GPR158: variants seen among roughly 807,000 people sequenced by gnomAD.
GPR158 encodes the protein metabotropic glycine receptor.
GPR158 carries 30 observed loss-of-function variants against 78.2 expected under a neutral mutation model. That is an observed-to-expected ratio of 0.38 (90% confidence interval 0.29 to 0.52). The LOEUF is 0.52. Among genes scored for constraint, GPR158 ranks in the 20% least tolerant of loss-of-function variants. GPR158 has a pLI of 0.83. For missense variants in GPR158, 1,463 were observed against 1,523.5 expected (o/e 0.96, Z 0.66); for synonymous variants, 581 against 591.1 (o/e 0.98, Z 0.25).
intron 5 of GPR158, among the ~76,000 whole-genome samples, chr10:25,472,051 G>C (rs1835513671): frequency 6.6e-6 from 1 of 152,106 alleles, no homozygotes; most frequent in Non-Finnish European, 1.5e-5. Context: ...CCTATGTCCT[G>C]AATGGTATTG....
At chr10:25,493,298 A>ACT (rs1175162606) in intron 5 of GPR158, among the ~76,000 whole-genome samples, 1 of 152,114 alleles carries the variant, frequency 6.6e-6, no homozygotes, top group African/African-American at 2.4e-5. Context: ...AGCATTACTC[A>ACT]CGCAATTCCT....
chr10:25,371,463 A>G (rs1398663070), intron 2 of GPR158, among the ~76,000 whole-genome samples: 1 of 151,876 alleles, frequency 6.6e-6, no homozygotes, highest in Non-Finnish European at 1.5e-5. Context: ...CTATACTATA[A>G]GGCTACAGTA....
intron 6 of GPR158, among the ~76,000 whole-genome samples, chr10:25,567,410 C>A (rs1836944718): frequency 6.6e-6 from 1 of 152,016 alleles, no homozygotes; most frequent in Admixed American, 6.6e-5. Flanking sequence ...TTGGACCATC[C>A]CTCCAGAGTT....
intron 2 of GPR158, among the ~76,000 whole-genome samples, chr10:25,326,303 G>A (rs1855031432): frequency 6.6e-6 from 1 of 152,116 alleles, no homozygotes; most frequent in Non-Finnish European, 1.5e-5. Flanking sequence ...TTTTATGGCT[G>A]CATAGTATTC....
chr10:25,304,327 T>G (rs1422768480), intron 2 of GPR158, among the ~76,000 whole-genome samples: 3 of 152,088 alleles, frequency 2.0e-5, no homozygotes, highest in African/African-American at 7.2e-5. Flanking sequence ...GATATAAATG[T>G]TTCTTATATA....
chr10:25,321,711 T>A (rs1854950639), intron 2 of GPR158, among the ~76,000 whole-genome samples: 1 of 152,156 alleles, frequency 6.6e-6, no homozygotes, highest in African/African-American at 2.4e-5. Flanking sequence ...GATGCTTATA[T>A]ACCCTTTGGC....
chr10:25,435,342 G>A (rs1474100407), intron 4 of GPR158, among the ~76,000 whole-genome samples: 1 of 152,150 alleles, frequency 6.6e-6, no homozygotes, highest in East Asian at 1.9e-4. Context: ...GGGTTGGGGA[G>A]AATCTATTTA....
At chr10:25,494,360 T>G (rs1209464883) in intron 5 of GPR158, among the ~76,000 whole-genome samples, 1 of 152,202 alleles carries the variant, frequency 6.6e-6, no homozygotes, top group East Asian at 1.9e-4. Context: ...AAAATTTTAT[T>G]ATGTTTTATT....
intron 5 of GPR158, among the ~76,000 whole-genome samples, chr10:25,511,931 T>C (rs568253486): frequency 6.6e-6 from 1 of 152,296 alleles, no homozygotes; most frequent in Admixed American, 6.5e-5. Context: ...TTTTGGGGAT[T>C]ATGGCCTTAC....
intron 4 of GPR158, among the ~76,000 whole-genome samples, chr10:25,433,574 CGCGCGCGT>C (rs1564454654): frequency 9.5e-5 from 9 of 94,680 alleles, no homozygotes; most frequent in Non-Finnish European, 2.0e-4. Flanking sequence ...TGTGTGTGCG[CGCGCGCGT>C]GCGCGTGCGC....
intron 7 of GPR158, among the ~76,000 whole-genome samples, chr10:25,574,540 C>T (rs547714812): frequency 6.6e-6 from 1 of 152,080 alleles, no homozygotes; most frequent in Non-Finnish European, 1.5e-5. Flanking sequence ...GTTCTTTAAC[C>T]ATGGGTAATG....
intron 6 of GPR158, among the ~76,000 whole-genome samples, chr10:25,555,040 G>A (rs1588910339): frequency 6.7e-6 from 1 of 150,208 alleles, no homozygotes; most frequent in South Asian, 2.1e-4. Context: ...GAGAAAAGAA[G>A]GAAGGAAAAG....
At chr10:25,578,343 T>C (rs1219860827) in intron 7 of GPR158, among the ~76,000 whole-genome samples, 1 of 152,238 alleles carries the variant, frequency 6.6e-6, no homozygotes, top group Non-Finnish European at 1.5e-5. Flanking sequence ...AACAAAGCAG[T>C]CAGCTGTCTT....
chr10:25,315,799 G>A (rs1300765178), intron 2 of GPR158, among the ~76,000 whole-genome samples: 2 of 151,852 alleles, frequency 1.3e-5, no homozygotes, highest in African/African-American at 2.4e-5. Context: ...AGACCCTGTT[G>A]TTAAAACACC....
intron 2 of GPR158, among the ~76,000 whole-genome samples, chr10:25,345,445 T>C (rs1855359373): frequency 6.6e-6 from 1 of 152,048 alleles, no homozygotes; most frequent in African/African-American, 2.4e-5. Flanking sequence ...TCCATATTTC[T>C]ATTAATGTTA....
intron 5 of GPR158, among the ~76,000 whole-genome samples, chr10:25,494,601 A>G (rs976664807): frequency 2.0e-5 from 3 of 152,184 alleles, no homozygotes; most frequent in African/African-American, 7.2e-5. Context: ...GTAGTCAACT[A>G]TCTGGATGTA....
chr10:25,231,495 T>C (rs940256395), intron 2 of GPR158, among the ~76,000 whole-genome samples: 1 of 152,188 alleles, frequency 6.6e-6, no homozygotes, highest in Non-Finnish European at 1.5e-5. Flanking sequence ...TTATACAATC[T>C]ATGTCACTGG....
chr10:25,413,350 C>T (rs144028634), intron 4 of GPR158, among the ~76,000 whole-genome samples: 3 of 152,202 alleles, frequency 2.0e-5, no homozygotes, highest in Admixed American at 6.5e-5. Context: ...AAAAGAGGTG[C>T]GTAGAAGCAT....
rs1054019584 is a variant in GPR158, at chr10:25,600,330, G to T, written c.*1056G>T. 1 of 152,524 alleles carries T rather than the reference G, an allele frequency of 6.6e-6. No individual in the cohort carries two copies. The highest frequency in any genetic ancestry group is 2.4e-5 in the African/African-American group (1 of 41,424). 9.4% of individuals were successfully genotyped at this position (152,524 alleles called of 1,614,324 possible). On this transcript the variant is annotated 3_prime_UTR_variant, in exon 11 of 11. Transcript: ENST00000376351. ...GCATTTCCAAAGGAAGAAGCTAAGA[G>T]TGAGAAAAATATACCGTGCATTATT...
Sources: gnomAD v4.1 joint callset for allele counts (sites outside exome capture counted in the v4.1 genomes callset) on GRCh38, gnomAD v4.1.1 for gene constraint, MANE v1.5 for transcripts, NCBI Gene and HGNC (gene_info 2026-07-23, HGNC 2026-07-21) for gene names.